PAX3: variants seen among roughly 807,000 people sequenced by gnomAD.
The protein encoded by PAX3 is paired box 3.
In PAX3, 14 loss-of-function variants were observed where a neutral mutation model predicts 51.6. The observed-to-expected ratio is 0.27, with a 90% CI of 0.18 to 0.42. The LOEUF (loss-of-function observed/expected upper bound fraction) is 0.42. PAX3 is among the 10% of genes least tolerant of loss of function. PAX3 has a pLI of 1.00. For missense variants in PAX3, 540 were observed against 642.8 expected (o/e 0.84, Z 1.73); for synonymous variants, 280 against 253.4 (o/e 1.11, Z -1.00).
intron 6 of PAX3, among the ~76,000 whole-genome samples, 166 bp downstream of exon 6, chr2:222,221,056 A>G (rs1574647531): frequency 6.6e-6 from 1 of 152,244 alleles, no homozygotes; most frequent in East Asian, 1.9e-4. Flanking sequence ...GATACATCAT[A>G]GAACAAACTA....
intron 4 of PAX3, among the ~76,000 whole-genome samples, chr2:222,282,771 A>T (rs750191565): frequency 6.6e-6 from 1 of 152,194 alleles, no homozygotes; most frequent in Non-Finnish European, 1.5e-5. Context: ...TTAAAAAGGA[A>T]CCAATAAGTC....
chr2:222,263,722 C>A (rs1219388326), intron 4 of PAX3: 2 of 152,098 alleles, frequency 1.3e-5, no homozygotes, highest in Non-Finnish European at 2.9e-5. Flanking sequence ...TAGCCAAAAC[C>A]CTCAACTGGT....
At chr2:222,223,971 C>T (rs918440665) in intron 5 of PAX3, among the ~76,000 whole-genome samples, 2 of 152,166 alleles carry the variant, frequency 1.3e-5, no homozygotes, top group Non-Finnish European at 2.9e-5. Context: ...TTCATTCTAA[C>T]TCCACCATAA....
intron 4 of PAX3, among the ~76,000 whole-genome samples, chr2:222,272,912 T>C (rs1694301649): frequency 6.6e-6 from 1 of 152,216 alleles, no homozygotes; most frequent in Admixed American, 6.5e-5. Flanking sequence ...CCCAGGCTTA[T>C]TCAATTACCC....
intron 5 of PAX3, among the ~76,000 whole-genome samples, chr2:222,226,601 A>C (rs527718790): frequency 6.6e-6 from 1 of 152,002 alleles, no homozygotes; most frequent in Non-Finnish European, 1.5e-5. Context: ...AACTATACAG[A>C]TCAGTTAGAC....
intron 4 of PAX3, among the ~76,000 whole-genome samples, chr2:222,280,153 A>G (rs893568095): frequency 1.3e-5 from 2 of 151,860 alleles, no homozygotes; most frequent in Non-Finnish European, 2.9e-5. Flanking sequence ...GGAGGTTGCA[A>G]TGAGCTGAGA....
In PAX3 at chr2:222,285,528, C is replaced by G. The variant is rs368479756; in HGVS notation, c.586+8639G>C. Among the ~76,000 whole-genome samples, 7 of 152,214 alleles carry G rather than the reference C, an allele frequency of 4.6e-5. No homozygotes were observed. The East Asian group carries it at 5.8e-4, about 13-fold the overall frequency. On this transcript the variant is annotated intron_variant, in intron 4 of 8. Coordinates refer to ENST00000392070, the MANE Select transcript of PAX3 (RefSeq NM_181458.4). Reference sequence around the variant, plus strand: ...ATGCACATTTAGCATATCTGTGTGCCTGTAAAAATCACAAAATAAAAATGT... The same window carrying G: ...ATGCACATTTAGCATATCTGTGTGCGTGTAAAAATCACAAAATAAAAATGT...
chr2:222,291,113 T>C (rs1695019002), intron 4 of PAX3, among the ~76,000 whole-genome samples: 1 of 151,870 alleles, frequency 6.6e-6, no homozygotes, highest in Non-Finnish European at 1.5e-5. Context: ...GCCCAGCCCA[T>C]TGTGGCGGCG....
intron 4 of PAX3, chr2:222,264,316 C>T (rs959450040): frequency 4.6e-5 from 7 of 152,166 alleles, no homozygotes; most frequent in African/African-American, 1.7e-4. Context: ...CTGTAGGAGT[C>T]TATTTTTGTG....
Position 222,298,664 on chromosome 2 carries a change from G to T in PAX3, c.-49C>A, listed in dbSNP as rs766145555. 6.6e-7 allele frequency: 1 copy of T among 1,525,266 alleles called. No homozygotes were observed. The highest frequency in any genetic ancestry group is 1.4e-5 in the African/African-American group (1 of 72,908). 94.5% of individuals were successfully genotyped at this position (1,525,266 alleles called of 1,614,324 possible). On this transcript the variant is annotated 5_prime_UTR_variant, in exon 1 of 9. Coordinates refer to ENST00000392070, the MANE Select transcript of PAX3 (RefSeq NM_181458.4). ...ATTATATCCAGGTGAAGGCGAAACG[G>T]AAAGGCGAGTGCGGCGCGGATGACC...
intron 4 of PAX3, among the ~76,000 whole-genome samples, chr2:222,291,569 T>C (rs1182178391): frequency 6.6e-6 from 1 of 152,160 alleles, no homozygotes; most frequent in Non-Finnish European, 1.5e-5. Flanking sequence ...TTTGTCCTAG[T>C]GTCTGCCAAG....
chr2:222,291,185 G>T (rs1247037934), intron 4 of PAX3, among the ~76,000 whole-genome samples: 1 of 152,168 alleles, frequency 6.6e-6, no homozygotes, highest in East Asian at 1.9e-4. Flanking sequence ...CGGCCGCTGC[G>T]CAGGGCGGTG....
intron 4 of PAX3, among the ~76,000 whole-genome samples, chr2:222,244,562 A>G (rs1693144634): frequency 6.6e-6 from 1 of 152,066 alleles, no homozygotes; most frequent in Non-Finnish European, 1.5e-5. Context: ...GGCATAAGGG[A>G]ATAGCATGTG....
chr2:222,293,765 C>T (rs749631866), intron 4 of PAX3: 9 of 1,614,104 alleles, frequency 5.6e-6, no homozygotes, highest in Non-Finnish European at 7.6e-6. Context: ...TTCCTGAGGG[C>T]ATAAAAGCTA....
intron 7 of PAX3, among the ~76,000 whole-genome samples, chr2:222,208,714 CTG>C (rs1691606699): frequency 6.6e-6 from 1 of 152,170 alleles, no homozygotes; most frequent in Admixed American, 6.6e-5. Flanking sequence ...GAGAACATGA[CTG>C]TGGAAAATCA....
At chr2:222,202,217 G>C (rs550266255) in intron 7 of PAX3, 27 bp from the exon 8 acceptor site, 1 of 1,489,996 alleles carries the variant, frequency 6.7e-7, no homozygotes, top group African/African-American at 1.4e-5. Flanking sequence ...ATTGGGAAGA[G>C]GTTAAAATGC....
At chr2:222,242,075 TC>T (rs1693036545) in intron 4 of PAX3, among the ~76,000 whole-genome samples, 1 of 152,250 alleles carries the variant, frequency 6.6e-6, no homozygotes, top group Admixed American at 6.5e-5. Flanking sequence ...CATATCTTCT[TC>T]CTTTGGAAAC....
intron 5 of PAX3, among the ~76,000 whole-genome samples, chr2:222,230,285 C>A (rs1692538754): frequency 6.6e-6 from 1 of 151,896 alleles, no homozygotes; most frequent in Non-Finnish European, 1.5e-5. Flanking sequence ...ACCTGGAAAC[C>A]ATCATTCTCA....
chr2:222,268,237 A>G (rs1694121278), intron 4 of PAX3, among the ~76,000 whole-genome samples: 1 of 152,202 alleles, frequency 6.6e-6, no homozygotes, highest in African/African-American at 2.4e-5. Flanking sequence ...ATCTGCAGAC[A>G]TGTATGTGCG....
Sources: gnomAD v4.1 joint callset for allele counts (sites outside exome capture counted in the v4.1 genomes callset) on GRCh38, gnomAD v4.1.1 for gene constraint, MANE v1.5 for transcripts, NCBI Gene and HGNC (gene_info 2026-07-23, HGNC 2026-07-21) for gene names.